ASB18: variants seen among roughly 807,000 people sequenced by gnomAD.
ASB18 encodes the protein ankyrin repeat and SOCS box protein 18.
ASB18 carries 33 observed loss-of-function variants against 33.4 expected under a neutral mutation model. That is an observed-to-expected ratio of 0.99 (90% CI 0.75 to 1.32). The LOEUF is 1.32. Ranked by LOEUF, ASB18 falls within the 40% of genes most tolerant of loss-of-function variation. ASB18 has a pLI of 0.00. For synonymous variants in ASB18, 295 were observed against 307.6 expected (o/e 0.96, Z 0.43); for missense variants, 694 against 655.5 (o/e 1.06, Z -0.64).
intron 3 of ASB18, among the ~76,000 whole-genome samples, chr2:236,224,185 GTTT>G (rs1161648778): frequency 9.9e-4 from 66 of 66,808 alleles, no homozygotes; most frequent in African/African-American, 3.3e-3. Flanking sequence ...GTGTTGTCAG[GTTT>G]TTTTTTTTTT....
chr2:236,253,131 C>T lies in ASB18; in HGVS notation c.205+11010G>A, dbSNP rs2060675315. Among the ~76,000 whole-genome samples the T allele has an allele frequency of 6.6e-6, 1 of 152,148 alleles. No homozygotes were observed. The highest frequency in any genetic ancestry group is 6.5e-5 in the Admixed American group (1 of 15,276). On this transcript the variant is annotated intron_variant, in intron 1 of 5. Coordinates refer to ENST00000409749, the MANE Select transcript of ASB18 (RefSeq NM_212556.4). This position sits in a 1 kb window ranked among gnomAD's most constrained non-coding sequence, Gnocchi z 5.4. ...TTTCCTGCCAAACTCCAGTCAGCAC[C>T]CAACGCTGACCCCTGAGCTCACGAG...
Position 236,203,248 on chromosome 2 carries a change from AG to A in ASB18, c.1102-6864del, listed in dbSNP as rs1489843441. Among the ~76,000 whole-genome samples, 2 of 152,162 alleles carry A rather than the reference AG, an allele frequency of 1.3e-5. No individual in the cohort carries two copies. Among genetic ancestry groups the A allele is most frequent in the Non-Finnish European group, 2.9e-5 (2 of 68,042 alleles). ...GCTGTGGTCATATGAGGGGGAGTTC[AG>A]GGGAAGATTTCTGGAAGAAGTGACA... On this transcript the variant is annotated intron_variant, in intron 4 of 5. Transcript: ENST00000409749. This position sits in a 1 kb window ranked among gnomAD's most constrained non-coding sequence, Gnocchi z 6.0.
rs2060662788 is a variant in ASB18, at chr2:236,250,174, C to T, written c.206-8772G>A. On this transcript the variant is annotated intron_variant, in intron 1 of 5. Coordinates refer to ENST00000409749, the MANE Select transcript of ASB18 (RefSeq NM_212556.4). This position sits in a 1 kb window ranked among gnomAD's most constrained non-coding sequence, Gnocchi z 4.1. ...GTGACATTGGGATCTTTTCTTCTTG[C>T]CATTGAGTTGACTAGTGATTTTCTT... 2 of 152,154 alleles carry T rather than the reference C, an allele frequency of 1.3e-5. No homozygotes were observed. Among genetic ancestry groups the T allele is most frequent in the Non-Finnish European group, 2.9e-5 (2 of 68,048 alleles). 9.4% of individuals were successfully genotyped at this position (152,154 alleles called of 1,614,324 possible).
intron 1 of ASB18, among the ~76,000 whole-genome samples, chr2:236,243,836 C>CT (rs201734029): frequency 2.6e-5 from 4 of 151,602 alleles, no homozygotes; most frequent in East Asian, 1.9e-4. Context: ...CAATTCCTTC[C>CT]TTTTTTTTGA....
chr2:236,213,992 A>C lies in ASB18; in HGVS notation c.1101+370T>G. 4.7e-6 allele frequency: 1 copy of C among 212,004 alleles called. No individual in the cohort carries two copies. The allele number at this position is 212,004 out of a possible 1,614,324, so 13.1% of individuals were successfully genotyped here. On this transcript the variant is annotated intron_variant, in intron 4 of 5. Coordinates refer to ENST00000409749, the MANE Select transcript of ASB18 (RefSeq NM_212556.4). This position sits in a 1 kb window ranked among gnomAD's most constrained non-coding sequence, Gnocchi z 4.8. ...AAAATGACACTGATGATGAGCTGCCAAAATATTTTGAGCTCTGACTGCATC... is the reference window on the plus strand; with the variant it reads ...AAAATGACACTGATGATGAGCTGCCCAAATATTTTGAGCTCTGACTGCATC...
In ASB18 at chr2:236,196,074, A is replaced by G. The variant is rs938603463; in HGVS notation, c.1215+198T>C. On this transcript the variant is annotated intron_variant, in intron 5 of 5. Transcript: ENST00000409749. This position sits in a 1 kb window ranked among gnomAD's most constrained non-coding sequence, Gnocchi z 5.6. ...TCCTTGAGGCCATGGCACCGCAACTACTATAACAAGCTCCTGGCTGTGTGA... is the reference window on the plus strand; with the variant it reads ...TCCTTGAGGCCATGGCACCGCAACTGCTATAACAAGCTCCTGGCTGTGTGA... 24 of 609,100 alleles carry G rather than the reference A, an allele frequency of 3.9e-5. No individual in the cohort carries two copies. Among genetic ancestry groups the G allele is most frequent in the Middle Eastern group, 5.9e-4 (2 of 3,394 alleles). The allele number at this position is 609,100 out of a possible 1,614,324, so 37.7% of individuals were successfully genotyped here.
rs2060680024 is a variant in ASB18 at position 236,253,856 on chromosome 2, C to G, written c.205+10285G>C. ...CGGTCAAACACTTCCCAGAGTGACTCCCACCTCCTACCACATTCAGAGTAG... is the reference window on the plus strand; with the variant it reads ...CGGTCAAACACTTCCCAGAGTGACTGCCACCTCCTACCACATTCAGAGTAG... On this transcript the variant is annotated intron_variant, in intron 1 of 5. Coordinates refer to ENST00000409749, the MANE Select transcript of ASB18 (RefSeq NM_212556.4). This position sits in a 1 kb window ranked among gnomAD's most constrained non-coding sequence, Gnocchi z 5.4. 6.6e-6 allele frequency: 1 copy of G among 152,178 alleles called. No individual in the cohort carries two copies. The highest frequency in any genetic ancestry group is 2.1e-4 in the South Asian group (1 of 4,820). 9.4% of individuals were successfully genotyped at this position (152,178 alleles called of 1,614,324 possible). A position where few individuals can be genotyped will look rare whatever the true frequency, so the allele number is the denominator to read the frequency against.
rs2060599743 is a variant in ASB18 at position 236,237,457 on chromosome 2, T to G, written c.596+232A>C. 1.4e-5 allele frequency among the ~76,000 whole-genome samples: 2 copies of G among 144,556 alleles called. No homozygotes were observed. The highest frequency in any genetic ancestry group is 5.0e-5 in the African/African-American group (2 of 39,618). 94.8% of individuals were successfully genotyped at this position (144,556 alleles called of 152,430 possible). On this transcript the variant is annotated intron_variant, in intron 3 of 5. Transcript: ENST00000409749. The surrounding 1 kb of genome is among the most constrained non-coding windows in gnomAD (Gnocchi z 6.2). ...GGGGCGAGGGCCGGGAGGTGCCAGG[T>G]CTGGGGTCCCGGGTCAGGGATCTTG... is the stretch of plus-strand genomic sequence containing the variant.
intron 1 of ASB18, among the ~76,000 whole-genome samples, chr2:236,246,346 C>CAAAAATAAA (rs2060644581): frequency 3.1e-5 from 1 of 32,700 alleles, no homozygotes; most frequent in African/African-American, 9.0e-5. Flanking sequence ...GACTCCATCT[C>CAAAAATAAA]AAAAAAAAAA....
chr2:236,198,984 T>C (rs956910351), intron 4 of ASB18, among the ~76,000 whole-genome samples: 1 of 152,238 alleles, frequency 6.6e-6, no homozygotes, highest in African/African-American at 2.4e-5. Context: ...TGTTTCACCA[T>C]AAATATAACC....
In ASB18 at chr2:236,196,421, A is replaced by G. The variant is rs761178556; in HGVS notation, c.1102-36T>C. 1 of 1,200,374 alleles carries G rather than the reference A, an allele frequency of 8.3e-7. No homozygotes were observed. Among genetic ancestry groups the G allele is most frequent in the Non-Finnish European group, 1.2e-6 (1 of 830,306 alleles). 74.4% of individuals were successfully genotyped at this position (1,200,374 alleles called of 1,614,324 possible). ...GAGGTGAAAGACGCAGCGTAGGCCG[A>G]CTGGGTTCTGGGTCTCAGTGGGGAA... On this transcript the variant is annotated intron_variant, in intron 4 of 5. Coordinates refer to ENST00000409749, the MANE Select transcript of ASB18 (RefSeq NM_212556.4). The surrounding 1 kb of genome is among the most constrained non-coding windows in gnomAD (Gnocchi z 5.6).
In ASB18 at chr2:236,244,078, C is replaced by T. The variant is rs901396507; in HGVS notation, c.206-2676G>A. ...CTGACCTCAGGTGATCTGCCCACTT[C>T]GGCCTCCCAAGTGCTGGGATTACAG... On this transcript the variant is annotated intron_variant, in intron 1 of 5. Coordinates refer to ENST00000409749, the MANE Select transcript of ASB18 (RefSeq NM_212556.4). This position sits in a 1 kb window ranked among gnomAD's most constrained non-coding sequence, Gnocchi z 6.1. 3.3e-5 allele frequency among the ~76,000 whole-genome samples: 5 copies of T among 152,222 alleles called. No individual in the cohort carries two copies. Among genetic ancestry groups the T allele is most frequent in the East Asian group, 1.9e-4 (1 of 5,192 alleles).
In ASB18 at chr2:236,209,911, G is replaced by A. The variant is rs1475723856; in HGVS notation, c.1101+4451C>T. Among the ~76,000 whole-genome samples the A allele has an allele frequency of 1.3e-5, 2 of 152,186 alleles. No homozygotes were observed. Among genetic ancestry groups the A allele is most frequent in the Non-Finnish European group, 1.5e-5 (1 of 68,042 alleles). On this transcript the variant is annotated intron_variant, in intron 4 of 5. Coordinates refer to ENST00000409749, the MANE Select transcript of ASB18 (RefSeq NM_212556.4). This position sits in a 1 kb window ranked among gnomAD's most constrained non-coding sequence, Gnocchi z 4.4. ...CTGCTCCAGGACATTTGCCCAGGAC[G>A]TCTGTCTAGAATGTTTGTCCCCCGC...
rs1321034215 is a variant in ASB18 at position 236,226,201 on chromosome 2, A to G, written c.597-11335T>C. Among the ~76,000 whole-genome samples, 1 of 152,160 alleles carries G rather than the reference A, an allele frequency of 6.6e-6. No homozygotes were observed. Among genetic ancestry groups the G allele is most frequent in the Non-Finnish European group, 1.5e-5 (1 of 68,026 alleles). On this transcript the variant is annotated intron_variant, in intron 3 of 5. Transcript: ENST00000409749. The surrounding 1 kb of genome is among the most constrained non-coding windows in gnomAD (Gnocchi z 4.8). Reference sequence around the variant, plus strand: ...ATCCTTCAAGGTAGTTGGCTGTGTTATTGTAGAGGTGTTCAATGGGACCTG... The same window carrying G: ...ATCCTTCAAGGTAGTTGGCTGTGTTGTTGTAGAGGTGTTCAATGGGACCTG...
Position 236,214,582 on chromosome 2 carries a change from C to A in ASB18, c.881G>T (p.Arg294Leu). Residue 294 changes from arginine (R) to leucine (L), a missense_variant, in exon 4 of 6, where the codon CGC becomes CTC. Physicochemically the swap from Arg to Leu is moderately radical, Grantham distance 102. Transcript: ENST00000409749. The surrounding 1 kb of genome is among the most constrained non-coding windows in gnomAD (Gnocchi z 6.5). ...AEADARDEDE[R>L]SPLHKACGHA... The stretch of plus-strand genomic sequence containing the variant: ...GCCGCAGGCTTTGTGCAGCGGGCTG[C>A]GCTCGTCCTCGTCGCGCGCGTCCGC... 1 of 1,290,946 alleles carries A rather than the reference C, an allele frequency of 7.7e-7. No individual in the cohort carries two copies. The highest frequency in any genetic ancestry group is 2.4e-5 in the South Asian group (1 of 42,054). 80.0% of individuals were successfully genotyped at this position (1,290,946 alleles called of 1,614,324 possible). A position where few individuals can be genotyped will look rare whatever the true frequency, so the allele number is the denominator to read the frequency against.
chr2:236,230,474 A>G, intron 3 of ASB18, among the ~76,000 whole-genome samples: 1 of 151,622 alleles, frequency 6.6e-6, no homozygotes, highest in East Asian at 1.9e-4. Flanking sequence ...GTTTCTTATT[A>G]CTTCAATATA....
intron 4 of ASB18, among the ~76,000 whole-genome samples, chr2:236,198,762 G>T (rs56257332): frequency 6.6e-6 from 1 of 152,020 alleles, no homozygotes; most frequent in African/African-American, 2.4e-5. Context: ...CTATTGGTGT[G>T]TTCATTTCTT....
In ASB18 at chr2:236,223,156, T is replaced by C. The variant is rs1052128024; in HGVS notation, c.597-8290A>G. 1.3e-5 allele frequency among the ~76,000 whole-genome samples: 2 copies of C among 152,230 alleles called. No individual in the cohort carries two copies. Among genetic ancestry groups the C allele is most frequent in the African/African-American group, 4.8e-5 (2 of 41,466 alleles). ...AAGCAGATCCCAGCATTATGCTTCC[T>C]GTACAGCCTGCAGAACTGTGAGCCA... On this transcript the variant is annotated intron_variant, in intron 3 of 5. Coordinates refer to ENST00000409749, the MANE Select transcript of ASB18 (RefSeq NM_212556.4). The surrounding 1 kb of genome is among the most constrained non-coding windows in gnomAD (Gnocchi z 4.6).
In ASB18 at chr2:236,216,024, C is replaced by T. The variant is rs1036069442; in HGVS notation, c.597-1158G>A. 1.3e-5 allele frequency among the ~76,000 whole-genome samples: 2 copies of T among 152,120 alleles called. No individual in the cohort carries two copies. The highest frequency in any genetic ancestry group is 4.8e-5 in the African/African-American group (2 of 41,422). On this transcript the variant is annotated intron_variant, in intron 3 of 5. Coordinates refer to ENST00000409749, the MANE Select transcript of ASB18 (RefSeq NM_212556.4). This position sits in a 1 kb window ranked among gnomAD's most constrained non-coding sequence, Gnocchi z 6.1. ...TTCCTGGGCAGCACTGTGGTCACCT[C>T]GTCATCTGCATCCTCAGTTCCCTTG...
Sources: gnomAD v4.1 joint callset for allele counts (sites outside exome capture counted in the v4.1 genomes callset) on GRCh38, gnomAD v4.1.1 for gene constraint, Gnocchi (gnomAD v3.1) non-coding constraint, MANE v1.5 for transcripts, NCBI Gene and HGNC (gene_info 2026-07-23, HGNC 2026-07-21) for gene names.